Variants in GABRG2 observed in about 807,000 individuals in gnomAD.
GABRG2 encodes the protein gamma-aminobutyric acid type A receptor subunit gamma2.
Under a neutral mutation model 56.4 loss-of-function variants are expected in GABRG2, and 16 were observed. The observed-to-expected ratio is 0.28, with a 90% CI of 0.19 to 0.43. The LOEUF is 0.43. Among genes scored for constraint, GABRG2 ranks in the 20% least tolerant of loss-of-function variants. The pLI is 1.00. For synonymous variants in GABRG2, 208 were observed against 205.5 expected, an observed-to-expected ratio of 1.01 and a Z score of -0.10; for missense variants, 327 against 582.7, an observed-to-expected ratio of 0.56 and a Z score of 4.52.
In GABRG2 at chr5:162,153,143, T is replaced by C. The variant is rs1187083565; in HGVS notation, c.1203T>C (p.Asn401=). The change falls in exon 10 of 10, where the codon AAT becomes AAC. Residue 401 remains asparagine, a synonymous_variant. Coordinates refer to ENST00000639213, the MANE Select transcript of GABRG2 (RefSeq NM_198904.4). The stretch of plus-strand genomic sequence containing the variant: ...GATCAGCAACCATTCAAATGAATAA[T>C]GCTACACACCTTCAAGAGAGAGATG... ...RPRSATIQMN[N]ATHLQERDEE... is the part of the protein sequence containing the mutation. The C allele has an allele frequency of 1.2e-6, 2 of 1,614,070 alleles. No homozygotes were observed. The highest frequency in any genetic ancestry group is 1.7e-6 in the Non-Finnish European group (2 of 1,179,976).
At position 162,118,599 on chromosome 5, in the gene GABRG2, A is replaced by ATATATC. The variant is rs560921328; in HGVS notation, c.769+14593_769+14598dup. On this transcript the variant is annotated intron_variant, in intron 6 of 9. Coordinates refer to ENST00000639213, the MANE Select transcript of GABRG2 (RefSeq NM_198904.4). The stretch of plus-strand genomic sequence containing the variant: ...AATATATTTGAGCAAAACTCTCTCT[A>ATATATC]TATATCTATATCTATATCTATATCT... Among the ~76,000 whole-genome samples, 1,190 of 152,136 alleles carry ATATATC rather than the reference A, an allele frequency of 7.8e-3. 9 individuals carry two copies. The highest frequency in any genetic ancestry group is 0.021 in the South Asian group (103 of 4,820).
intron 5 of GABRG2, 137 bp from the exon 6 acceptor site, chr5:162,103,752 C>A: frequency 1.1e-6 from 1 of 890,746 alleles, no homozygotes; most frequent in Non-Finnish European, 1.8e-6. Flanking sequence ...CATTGCAATG[C>A]CCTTTGGTCC....
intron 7 of GABRG2, among the ~76,000 whole-genome samples, chr5:162,143,347 C>T (rs1399628572): frequency 6.6e-6 from 1 of 152,094 alleles, no homozygotes; most frequent in Non-Finnish European, 1.5e-5. Flanking sequence ...ACATATTTAC[C>T]TGTGAAATTT....
intron 1 of GABRG2, among the ~76,000 whole-genome samples, chr5:162,069,596 CAG>C (rs1326964918): frequency 6.6e-6 from 1 of 152,120 alleles, no homozygotes; most frequent in African/African-American, 2.4e-5. Flanking sequence ...AGTTTCTAAA[CAG>C]AGAGAGGGTC....
At chr5:162,119,555 C>A (rs1194734190) in intron 6 of GABRG2, among the ~76,000 whole-genome samples, 1 of 152,062 alleles carries the variant, frequency 6.6e-6, no homozygotes, top group African/African-American at 2.4e-5. Context: ...CTCCCATGTT[C>A]CCAAATAGGG....
intron 1 of GABRG2, among the ~76,000 whole-genome samples, chr5:162,068,889 C>T (rs1758447157): frequency 1.3e-5 from 2 of 151,946 alleles, no homozygotes; most frequent in South Asian, 2.1e-4. Context: ...GGGTGGAGAA[C>T]GTAGTTAAAT....
In GABRG2 at chr5:162,118,789, A is replaced by G. The variant is rs116331496; in HGVS notation, c.769+14763A>G. On this transcript the variant is annotated intron_variant, in intron 6 of 9. Coordinates refer to ENST00000639213, the MANE Select transcript of GABRG2 (RefSeq NM_198904.4). ...AAGGATGACAAGCTGATAACAATCT[A>G]GGGTATTATTAAAGCGACACAAAAG... Among the ~76,000 whole-genome samples the G allele has an allele frequency of 4.4e-3, 674 of 152,206 alleles. 8 individuals carry two copies. The highest frequency in any genetic ancestry group is 0.016 in the African/African-American group (650 of 41,550).
chr5:162,095,897 C>A (rs2113311879), intron 3 of GABRG2, among the ~76,000 whole-genome samples: 1 of 151,930 alleles, frequency 6.6e-6, no homozygotes, highest in Admixed American at 6.6e-5. Context: ...TAGTTTGGTT[C>A]AAATCAGAAA....
At chr5:162,085,746 A>C (rs1031747474) in intron 1 of GABRG2, among the ~76,000 whole-genome samples, 1 of 151,488 alleles carries the variant, frequency 6.6e-6, no homozygotes, top group Admixed American at 6.6e-5. Flanking sequence ...CACTCTCTGA[A>C]AGGCCCCAGT....
chr5:162,073,509 C>T (rs1413471573), intron 1 of GABRG2, among the ~76,000 whole-genome samples: 1 of 151,572 alleles, frequency 6.6e-6, no homozygotes, highest in Non-Finnish European at 1.5e-5. Context: ...AGTTTTCTTA[C>T]AAAAATTCTT....
chr5:162,153,580 A>C lies in GABRG2; in HGVS notation c.*212A>C. ...GAACTTCGATGTTTGCTGTGTTTCA[A>C]ACCTGCAAGGCAAAGTAAAATTAGA... On this transcript the variant is annotated 3_prime_UTR_variant, in exon 10 of 10. Coordinates refer to ENST00000639213, the MANE Select transcript of GABRG2 (RefSeq NM_198904.4). The C allele has an allele frequency of 1.6e-6, 1 of 625,636 alleles. No homozygotes were observed. Among genetic ancestry groups the C allele is most frequent in the Non-Finnish European group, 2.8e-6 (1 of 356,752 alleles). The allele number at this position is 625,636 out of a possible 1,614,324, so 38.8% of individuals were successfully genotyped here. A position where few individuals can be genotyped will look rare whatever the true frequency, so the allele number is the denominator to read the frequency against.
chr5:162,102,846 T>G (rs1761536455), intron 5 of GABRG2: 1 of 232,940 alleles, frequency 4.3e-6, no homozygotes, highest in Admixed American at 4.9e-5. Flanking sequence ...TCCTCCCTCT[T>G]TAATTAATAT....
intron 1 of GABRG2, among the ~76,000 whole-genome samples, chr5:162,089,271 C>A (rs533702064): frequency 1.3e-5 from 2 of 152,188 alleles, no homozygotes; most frequent in South Asian, 4.1e-4. Flanking sequence ...ATGTACGGAA[C>A]AAGAAATTCC....
intron 1 of GABRG2, among the ~76,000 whole-genome samples, chr5:162,074,558 G>A (rs1311052102): frequency 6.6e-6 from 1 of 151,748 alleles, no homozygotes; most frequent in South Asian, 2.1e-4. Flanking sequence ...TAAATAAAAT[G>A]GCAAAAACAA....
At chr5:162,142,380 G>C in intron 7 of GABRG2, 64 bp downstream of exon 7, 1 of 1,521,700 alleles carries the variant, frequency 6.6e-7, no homozygotes, top group Non-Finnish European at 9.1e-7. Flanking sequence ...TAATTTTTAT[G>C]TCCATTTCTA....
intron 2 of GABRG2, 53 bp from the exon 3 acceptor site, chr5:162,095,442 A>G (rs1760928187): frequency 3.7e-6 from 4 of 1,078,016 alleles, no homozygotes; most frequent in Non-Finnish European, 5.7e-6. Context: ...AGATTAAAAC[A>G]TTAAAATCTT....
intron 3 of GABRG2, among the ~76,000 whole-genome samples, chr5:162,096,772 C>G (rs1373426842): frequency 6.6e-6 from 1 of 151,744 alleles, no homozygotes; most frequent in Non-Finnish European, 1.5e-5. Flanking sequence ...GTCAACCGCT[C>G]TCCAGTTTAG....
chr5:162,076,915 GT>G (rs139682958), intron 1 of GABRG2, among the ~76,000 whole-genome samples: 2,202 of 152,136 alleles, frequency 0.014, 55 homozygotes, highest in African/African-American at 0.05. Context: ...TTCTGAATAT[GT>G]TTTTGCTACC....
chr5:162,103,910 T>G lies in GABRG2; in HGVS notation c.653T>G (p.Ile218Ser). The change falls in exon 6 of 10, where the codon ATT becomes AGT. Residue 218 changes from isoleucine to serine, a missense_variant. Around this residue, in one of 4 missense-constraint regions of GABRG2, gnomAD observed 104 missense variants for 209.3 expected, o/e 0.50. Coordinates refer to ENST00000639213, the MANE Select transcript of GABRG2 (RefSeq NM_198904.4). ...GCAGATGGCTATCCACGTGAAGAAA[T>G]TGTTTATCAATGGAAGCGAAGTTCT... ...FSSYGYPREE[I>S]VYQWKRSSVE... 6.2e-7 allele frequency: 1 copy of G among 1,613,974 alleles called. No homozygotes were observed. The highest frequency in any genetic ancestry group is 8.5e-7 in the Non-Finnish European group (1 of 1,179,936).
Sources: allele counts gnomAD v4.1 joint callset (sites outside exome capture counted in the v4.1 genomes callset), GRCh38; gene constraint gnomAD v4.1.1; regional missense constraint gnomAD v4.1.1; transcripts MANE v1.5; gene names NCBI Gene and HGNC (gene_info 2026-07-23, HGNC 2026-07-21).